Variants in CHODL observed in about 807,000 individuals in gnomAD.
The protein encoded by CHODL is transmembrane protein MT75.
Under a neutral mutation model 34.5 loss-of-function variants are expected in CHODL, and 29 were observed. The observed-to-expected ratio is 0.84, with a 90% CI of 0.63 to 1.15. The LOEUF (loss-of-function observed/expected upper bound fraction) is 1.15, where lower values mean the gene tolerates loss of function less well. Among genes scored for constraint, CHODL ranks in the 50% most tolerant of loss-of-function variants. CHODL has a pLI of 0.00. For missense variants in CHODL, 332 were observed against 332.5 expected (o/e 1.00, Z 0.01); for synonymous variants, 125 against 116.1 (o/e 1.08, Z -0.49).
chr21:18,224,488 C>T (rs1427857461), intron 2 of CHODL, among the ~76,000 whole-genome samples: 1 of 152,068 alleles, frequency 6.6e-6, no homozygotes, highest in Non-Finnish European at 1.5e-5. Flanking sequence ...GGTTAAGTTC[C>T]CTCATTATTA....
chr21:18,242,157 G>A (rs1221726055), upstream of CHODL, among the ~76,000 whole-genome samples: 9 of 152,048 alleles, frequency 5.9e-5, no homozygotes, highest in Admixed American at 5.9e-4. Flanking sequence ...GCCCTAGAAA[G>A]AGCCCTTAAT....
chr21:18,006,430 ATCT>A (rs1358850032), intron 1 of CHODL, among the ~76,000 whole-genome samples: 1 of 152,112 alleles, frequency 6.6e-6, no homozygotes, highest in Non-Finnish European at 1.5e-5. Flanking sequence ...ACTAACAAAG[ATCT>A]TCTCACCTAT....
Position 18,195,028 on chromosome 21 carries a change from ATTATTTAT to A in CHODL, c.-44-61446_-44-61439del, listed in dbSNP as rs56855621. 9.3e-3 allele frequency among the ~76,000 whole-genome samples: 1,342 copies of A among 144,044 alleles called. 23 individuals carry two copies. The highest frequency in any genetic ancestry group is 0.028 in the African/African-American group (1,089 of 38,548). 94.5% of individuals were successfully genotyped at this position (144,044 alleles called of 152,430 possible). A position where few individuals can be genotyped will look rare whatever the true frequency, so the allele number is the denominator to read the frequency against. On this transcript the variant is annotated intron_variant, in intron 2 of 6. Coordinates refer to the CHODL transcript ENST00000400127. ...CAATACATTGTTATTAATACAATAC[ATTATTTAT>A]TTATTTATTTATTTATTTATTTATT... is the stretch of plus-strand genomic sequence containing the variant.
At chr21:18,211,141 T>TAC (rs3077936) in intron 2 of CHODL, among the ~76,000 whole-genome samples, 2,423 of 148,100 alleles carry the variant, frequency 0.016, 19 homozygotes, top group Middle Eastern at 0.028. Context: ...TACACATGGA[T>TAC]ACACACACAC....
rs1555887899 is a variant in CHODL at position 18,266,207 on chromosome 21, T to TAAAG, written c.*172_*175dup. The TAAAG allele has an allele frequency of 2.0e-6, 3 of 1,536,208 alleles. No homozygotes were observed. In the African/African-American group the frequency reaches 4.1e-5, roughly 21 times the overall value. On this transcript the variant is annotated 3_prime_UTR_variant, in exon 6 of 6. Coordinates refer to ENST00000299295, the MANE Select transcript of CHODL (RefSeq NM_024944.3). ...ATTTTTATATGTCTATTATTTCATT[T>TAAAG]AAAGAATATGCTGTGCTAATAATGG...
In CHODL at chr21:18,010,368, C is replaced by T. The variant is rs148384754; in HGVS notation, c.-144-17504C>T. Among the ~76,000 whole-genome samples the T allele has an allele frequency of 3.7e-3, 559 of 149,218 alleles. 6 individuals are homozygous for T. The highest frequency in any genetic ancestry group is 0.013 in the African/African-American group (531 of 40,820). On this transcript the variant is annotated intron_variant, in intron 1 of 6. Coordinates refer to the CHODL transcript ENST00000400127. ...GAAAACTGGTTCAACTCAGGAAAGT[C>T]TCCTGGTGGGTCAAATGTTAGCAAA...
In CHODL at chr21:18,003,133, A is replaced by C. The variant is rs1476451053; in HGVS notation, c.-144-24739A>C. Among the ~76,000 whole-genome samples the C allele has an allele frequency of 7.8e-5, 10 of 128,978 alleles. 1 individual carries two copies. Among genetic ancestry groups the C allele is most frequent in the Admixed American group, 2.4e-4 (3 of 12,758 alleles). 84.6% of individuals were successfully genotyped at this position (128,978 alleles called of 152,430 possible). A position where few individuals can be genotyped will look rare whatever the true frequency, so the allele number is the denominator to read the frequency against. The stretch of plus-strand genomic sequence containing the variant: ...CGAGACTCCGTCTCAAAAAAAAAAA[A>C]AACAAAAAAAAAACCCAAGAGCCCT... On this transcript the variant is annotated intron_variant, in intron 1 of 6. Coordinates refer to the CHODL transcript ENST00000400127.
chr21:18,130,493 A>T (rs1459353686), intron 2 of CHODL, among the ~76,000 whole-genome samples: 1 of 152,198 alleles, frequency 6.6e-6, no homozygotes, highest in African/African-American at 2.4e-5. Flanking sequence ...CTGTGTCAAT[A>T]CAAATAGTTT....
At chr21:18,170,096 C>A (rs1190342141) in intron 2 of CHODL, among the ~76,000 whole-genome samples, 1 of 151,846 alleles carries the variant, frequency 6.6e-6, no homozygotes, top group Admixed American at 6.6e-5. Context: ...TAATTTCTTG[C>A]ATTTTGGGGC....
At chr21:18,078,119 G>T (rs158034) in intron 2 of CHODL, among the ~76,000 whole-genome samples, 1 of 152,014 alleles carries the variant, frequency 6.6e-6, no homozygotes, top group Non-Finnish European at 1.5e-5. Context: ...TTTGTAAAAC[G>T]GTGTATTAGT....
chr21:18,241,128 C>T (rs570024128), upstream of CHODL, among the ~76,000 whole-genome samples: 2 of 152,050 alleles, frequency 1.3e-5, no homozygotes, highest in South Asian at 4.2e-4. Flanking sequence ...ACTGCTTATC[C>T]TTACATTTAA....
At chr21:18,049,672 A>G (rs917222940) in intron 2 of CHODL, among the ~76,000 whole-genome samples, 3 of 151,926 alleles carry the variant, frequency 2.0e-5, no homozygotes, top group Admixed American at 2.0e-4. Flanking sequence ...GTGTCCTCAC[A>G]TGGCCTTTGC....
chr21:18,184,996 G>A (rs1054263855), intron 2 of CHODL, among the ~76,000 whole-genome samples: 1 of 152,030 alleles, frequency 6.6e-6, no homozygotes, highest in African/African-American at 2.4e-5. Flanking sequence ...GCAACAACTT[G>A]TCTCTCTCTT....
chr21:18,249,103 A>AT (rs1568955943), intron 1 of CHODL, among the ~76,000 whole-genome samples: 6 of 127,786 alleles, frequency 4.7e-5, no homozygotes, highest in African/African-American at 1.8e-4. Flanking sequence ...ATATATATAT[A>AT]ATAATATATA....
In CHODL at chr21:18,061,066, AT is replaced by A. The variant is rs1242011208; in HGVS notation, c.-45+33098del. ...AGGTACAAAATGAGACGCAAATAAC[AT>A]TTCTGTGGCTAAGTCAGTCATTTCT... On this transcript the variant is annotated intron_variant, in intron 2 of 6. Coordinates refer to the CHODL transcript ENST00000400127. 2.0e-5 allele frequency among the ~76,000 whole-genome samples: 3 copies of A among 152,208 alleles called. No individual in the cohort carries two copies. In the East Asian group the frequency reaches 5.8e-4, roughly 29 times the overall value.
chr21:18,013,635 CTT>C lies in CHODL; in HGVS notation c.-144-14221_-144-14220del, dbSNP rs1212894827. Among the ~76,000 whole-genome samples, 9 of 71,886 alleles carry C rather than the reference CTT, an allele frequency of 1.3e-4. 1 individual carries two copies. Among genetic ancestry groups the C allele is most frequent in the Middle Eastern group, 0.016 (1 of 62 alleles). 47.2% of individuals were successfully genotyped at this position (71,886 alleles called of 152,430 possible). Reference sequence around the variant, plus strand: ...GATCATTGATTTTCTGCTGCTGCTGCTTTTTTTTTTTTTTTTTGAGACAGAGT... The same window carrying C: ...GATCATTGATTTTCTGCTGCTGCTGCTTTTTTTTTTTTTTTGAGACAGAGT... On this transcript the variant is annotated intron_variant, in intron 1 of 6. Transcript: ENST00000400127.
chr21:18,004,067 C>G (rs1311789267), intron 1 of CHODL, among the ~76,000 whole-genome samples: 1 of 152,146 alleles, frequency 6.6e-6, no homozygotes. Flanking sequence ...CCTATTTTGT[C>G]TTCAAAGTGT....
intron 2 of CHODL, among the ~76,000 whole-genome samples, chr21:18,044,021 A>G (rs1311172930): frequency 3.9e-5 from 6 of 152,032 alleles, no homozygotes; most frequent in Non-Finnish European, 7.4e-5. Context: ...TATGGGAGCT[A>G]CAATTCAAGA....
chr21:18,259,640 A>G (rs1040033991), intron 3 of CHODL, among the ~76,000 whole-genome samples: 6 of 152,248 alleles, frequency 3.9e-5, no homozygotes, highest in African/African-American at 1.4e-4. Context: ...TTTTAAAAGT[A>G]GACACTATTG....
Sources: allele counts gnomAD v4.1 joint callset (sites outside exome capture counted in the v4.1 genomes callset), GRCh38; gene constraint gnomAD v4.1.1; transcripts MANE v1.5; gene names NCBI Gene and HGNC (gene_info 2026-07-23, HGNC 2026-07-21).